Variants in NCS1 observed in about 807,000 individuals in gnomAD.
NCS1 encodes the protein frequenin homolog.
In NCS1, 6 loss-of-function variants were observed where a neutral mutation model predicts 28.4. That is an observed-to-expected ratio of 0.21 (90% CI 0.12 to 0.42). The LOEUF (loss-of-function observed/expected upper bound fraction) is 0.42, where lower values mean the gene tolerates loss of function less well. Ranked by LOEUF, NCS1 falls within the 10% of genes least tolerant of loss-of-function variation. NCS1 has a pLI of 1.00. For synonymous variants in NCS1, 86 were observed against 99.3 expected (o/e 0.87, Z 0.79); for missense variants, 131 against 241.4 (o/e 0.54, Z 3.03).
At chr9:130,227,026 AAAAAAAAAAAAAAGAAAAG>A (rs1487615280) in intron 7 of NCS1, among the ~76,000 whole-genome samples, 10 of 150,726 alleles carry the variant, frequency 6.6e-5, no homozygotes, top group Admixed American at 2.6e-4. Flanking sequence ...CCATCTCAAA[AAAAAAAAAAAAAAGAAAAG>A]AAAAAAAAAA....
At chr9:130,189,879 A>AATATATATATATATATATAT (rs1203988125) in intron 1 of NCS1, among the ~76,000 whole-genome samples, 4 of 37,750 alleles carry the variant, frequency 1.1e-4, no homozygotes, top group African/African-American at 2.3e-4. Context: ...AAAAAAAAAA[A>AATATATATATATATATATAT]ATATATATAT....
chr9:130,173,926 C>A (rs1458457771), intron 1 of NCS1, among the ~76,000 whole-genome samples: 1 of 152,234 alleles, frequency 6.6e-6, no homozygotes, highest in Non-Finnish European at 1.5e-5. Flanking sequence ...ATGCTTGGAA[C>A]AAAGGGGGCT....
Position 130,204,841 on chromosome 9 carries a change from G to A in NCS1, c.89+3859G>A, listed in dbSNP as rs117190351. 4.9e-4 allele frequency among the ~76,000 whole-genome samples: 74 copies of A among 152,316 alleles called. No individual in the cohort carries two copies. The East Asian group carries it at 0.014, about 29-fold the overall frequency. ...CATCATCCGTGGAACCCAAAGAACA[G>A]CCCTGAGATTGAGGACTTTCTCCGC... On this transcript the variant is annotated intron_variant, in intron 2 of 7. Coordinates refer to ENST00000372398, the MANE Select transcript of NCS1 (RefSeq NM_014286.4).
At chr9:130,210,392 C>G (rs1833097148) in intron 2 of NCS1, among the ~76,000 whole-genome samples, 1 of 127,208 alleles carries the variant, frequency 7.9e-6, no homozygotes, top group Admixed American at 8.5e-5. Context: ...GAGTGAGACT[C>G]AGTCTTAGAA....
Position 130,172,625 on chromosome 9 carries a change from G to A in NCS1, c.-39G>A. On this transcript the variant is annotated 5_prime_UTR_variant, in exon 1 of 8. Coordinates refer to ENST00000372398, the MANE Select transcript of NCS1 (RefSeq NM_014286.4). The stretch of plus-strand genomic sequence containing the variant: ...GCCGCTCCTGCTGGGCGCCCCAACC[G>A]GGTCCGGCCCGGGGGGGCGGGGGCC... The A allele has an allele frequency of 7.4e-7, 1 of 1,343,106 alleles. No homozygotes were observed. The highest frequency in any genetic ancestry group is 1.4e-5 in the South Asian group (1 of 69,666). The allele number at this position is 1,343,106 out of a possible 1,614,324, so 83.2% of individuals were successfully genotyped here. A position where few individuals can be genotyped will look rare whatever the true frequency, so the allele number is the denominator to read the frequency against.
rs1833512447 is a variant in NCS1, at chr9:130,232,546, GC to G, written c.*18-442del. On this transcript the variant is annotated intron_variant, in intron 7 of 7. Coordinates refer to ENST00000372398, the MANE Select transcript of NCS1 (RefSeq NM_014286.4). This position sits in a 1 kb window ranked among gnomAD's most constrained non-coding sequence, Gnocchi z 4.4. ...GCCTGTAATCCCAGCACTTTGGGAGGCCGAGGCGGGTCTATCATGAGGTCAG... is the reference window on the plus strand; with the variant it reads ...GCCTGTAATCCCAGCACTTTGGGAGGCGAGGCGGGTCTATCATGAGGTCAG... Among the ~76,000 whole-genome samples the G allele has an allele frequency of 6.6e-6, 1 of 152,190 alleles. No individual in the cohort carries two copies. The highest frequency in any genetic ancestry group is 1.5e-5 in the Non-Finnish European group (1 of 68,044).
At chr9:130,179,026 C>G (rs577951324) in intron 1 of NCS1, among the ~76,000 whole-genome samples, 43 of 149,778 alleles carry the variant, frequency 2.9e-4, no homozygotes, top group Middle Eastern at 3.4e-3. Context: ...TCTCCACCTC[C>G]CGGGTTCAAG....
Position 130,175,519 on chromosome 9 carries a change from C to G in NCS1, c.64+2792C>G, listed in dbSNP as rs1014190568. 6.6e-6 allele frequency among the ~76,000 whole-genome samples: 1 copy of G among 152,148 alleles called. No homozygotes were observed. Among genetic ancestry groups the G allele is most frequent in the African/African-American group, 2.4e-5 (1 of 41,434 alleles). The stretch of plus-strand genomic sequence containing the variant: ...CTGCAGATGGTGGTCCTGGGGAGCC[C>G]GGATTGAAGACCACAGTTCCAGTGT... On this transcript the variant is annotated intron_variant, in intron 1 of 7. Coordinates refer to ENST00000372398, the MANE Select transcript of NCS1 (RefSeq NM_014286.4). The surrounding 1 kb of genome is among the most constrained non-coding windows in gnomAD (Gnocchi z 4.9).
intron 1 of NCS1, among the ~76,000 whole-genome samples, chr9:130,174,041 C>T (rs1355331843): frequency 2.0e-5 from 3 of 152,186 alleles, no homozygotes; most frequent in African/African-American, 7.2e-5. Context: ...AGGGGTGAAG[C>T]CCCTGGGCAC....
chr9:130,207,176 T>C (rs1412749915), intron 2 of NCS1, among the ~76,000 whole-genome samples: 1 of 152,210 alleles, frequency 6.6e-6, no homozygotes, highest in Non-Finnish European at 1.5e-5. Flanking sequence ...TCGGCCTCAC[T>C]GGGCTGCTGC....
intron 1 of NCS1, among the ~76,000 whole-genome samples, chr9:130,184,480 C>T (rs1832713890): frequency 6.6e-6 from 1 of 152,112 alleles, no homozygotes; most frequent in African/African-American, 2.4e-5. Flanking sequence ...ACGGCTTATC[C>T]CAGGCTTTTA....
rs1588130606 is a variant in NCS1 at position 130,235,860 on chromosome 9, A to C, written c.*2888A>C. ...CTTCAGATGCTCTGATGCAGAGGGC[A>C]CGCCCATAGTCCCTCTGCAGAGCCT... On this transcript the variant is annotated 3_prime_UTR_variant, in exon 8 of 8. Coordinates refer to ENST00000372398, the MANE Select transcript of NCS1 (RefSeq NM_014286.4). The C allele has an allele frequency of 6.6e-6, 1 of 152,414 alleles. No homozygotes were observed. The highest frequency in any genetic ancestry group is 1.9e-4 in the East Asian group (1 of 5,176). 9.4% of individuals were successfully genotyped at this position (152,414 alleles called of 1,614,324 possible).
intron 2 of NCS1, among the ~76,000 whole-genome samples, chr9:130,203,137 T>TA (rs1491343446): frequency 0.18 from 5,977 of 32,490 alleles, 170 homozygotes; most frequent in East Asian, 0.4. Flanking sequence ...TATATATATA[T>TA]TTTTTTTTTT....
chr9:130,178,538 AG>A (rs1554904828), intron 1 of NCS1, among the ~76,000 whole-genome samples: 1 of 151,968 alleles, frequency 6.6e-6, no homozygotes, highest in African/African-American at 2.4e-5. Flanking sequence ...TGGGCAGTGG[AG>A]GGGGGTGGTG....
chr9:130,182,392 G>A (rs533527180), intron 1 of NCS1, among the ~76,000 whole-genome samples: 106 of 152,216 alleles, frequency 7.0e-4, no homozygotes, highest in Non-Finnish European at 1.2e-3. Flanking sequence ...CATCCAAGCC[G>A]CTGCTGGAGC....
chr9:130,204,687 G>A (rs758029564), intron 2 of NCS1, among the ~76,000 whole-genome samples: 2 of 152,210 alleles, frequency 1.3e-5, no homozygotes, highest in African/African-American at 2.4e-5. Flanking sequence ...GAAAAGGAGG[G>A]GGATAATAGT....
intron 1 of NCS1, among the ~76,000 whole-genome samples, chr9:130,198,589 C>A (rs1187180569): frequency 6.6e-6 from 1 of 152,216 alleles, no homozygotes; most frequent in Non-Finnish European, 1.5e-5. Context: ...AATAAGCAGA[C>A]CCATTGGAAC....
intron 2 of NCS1, among the ~76,000 whole-genome samples, chr9:130,204,713 T>C (rs147363691): frequency 0.014 from 2,047 of 151,500 alleles, 42 homozygotes; most frequent in African/African-American, 0.047. Flanking sequence ...TTTCTAGGAG[T>C]AGTGTGAAGA....
rs2131164979 is a variant in NCS1, at chr9:130,232,264, G to T, written c.*18-726G>T. On this transcript the variant is annotated intron_variant, in intron 7 of 7. Transcript: ENST00000372398. The surrounding 1 kb of genome is among the most constrained non-coding windows in gnomAD (Gnocchi z 4.4). ...TCCTGGCCCTCCCTGTGGCTTTGAT[G>T]TGTGTTTCCCTAATGACTAGGGATG... Among the ~76,000 whole-genome samples the T allele has an allele frequency of 6.6e-6, 1 of 152,226 alleles. No individual in the cohort carries two copies. The highest frequency in any genetic ancestry group is 1.9e-4 in the East Asian group (1 of 5,182).
Sources: gnomAD v4.1 joint callset for allele counts (sites outside exome capture counted in the v4.1 genomes callset) on GRCh38, gnomAD v4.1.1 for gene constraint, Gnocchi (gnomAD v3.1) non-coding constraint, MANE v1.5 for transcripts, NCBI Gene and HGNC (gene_info 2026-07-23, HGNC 2026-07-21) for gene names.